The following NXN variants were observed in gnomAD, a reference collection of about 807,000 sequenced individuals.
NXN encodes the protein nucleoredoxin 1.
NXN carries 16 observed loss-of-function variants against 48.6 expected under a neutral mutation model. That is an observed-to-expected ratio of 0.33 (90% CI 0.22 to 0.50). The LOEUF is 0.50. Among genes scored for constraint, NXN ranks in the 20% least tolerant of loss-of-function variants. NXN has a pLI of 0.98. For synonymous variants in NXN, 281 were observed against 269.6 expected (o/e 1.04, Z -0.41); for missense variants, 492 against 605.5 (o/e 0.81, Z 1.97).
intron 1 of NXN, among the ~76,000 whole-genome samples, chr17:976,670 C>G (rs189354625): frequency 6.6e-6 from 1 of 152,088 alleles, no homozygotes; most frequent in Non-Finnish European, 1.5e-5. Flanking sequence ...CATTAGCTCA[C>G]GGGCTTCTAA....
intron 1 of NXN, among the ~76,000 whole-genome samples, chr17:951,722 TG>T (rs2069112961): frequency 6.7e-6 from 1 of 148,848 alleles, no homozygotes; most frequent in South Asian, 2.2e-4. Context: ...GGGCTGGGGG[TG>T]GGGGCCGGCA....
intron 1 of NXN, among the ~76,000 whole-genome samples, chr17:924,138 G>A (rs1030062391): frequency 6.6e-6 from 1 of 152,000 alleles, no homozygotes; most frequent in Non-Finnish European, 1.5e-5. Flanking sequence ...CACGATTCTG[G>A]GCTCAAGGGT....
chr17:847,150 G>T (rs1333327565), intron 1 of NXN, among the ~76,000 whole-genome samples: 2 of 152,084 alleles, frequency 1.3e-5, no homozygotes, highest in African/African-American at 4.8e-5. Context: ...GTCCGTACCT[G>T]TCCCCCCGCG....
chr17:834,552 T>C lies in NXN; in HGVS notation c.361-8474A>G, dbSNP rs373128849. ...GCCTCAGCCTCCTGAGTAGCTGGAA[T>C]TACAGGCACCAACCACCATGCCTGG... On this transcript the variant is annotated intron_variant, in intron 1 of 7. Transcript: ENST00000336868. Among the ~76,000 whole-genome samples, 39 of 152,220 alleles carry C rather than the reference T, an allele frequency of 2.6e-4. No homozygotes were observed. In the East Asian group the frequency reaches 6.4e-3, roughly 25 times the overall value.
At chr17:802,409 G>A (rs566698448) in intron 7 of NXN, among the ~76,000 whole-genome samples, 83 of 152,342 alleles carry the variant, frequency 5.4e-4, no homozygotes, top group Non-Finnish European at 1.0e-3. Context: ...AAACAGGACA[G>A]CGACTACGTT....
intron 1 of NXN, among the ~76,000 whole-genome samples, chr17:829,085 T>G (rs1005948304): frequency 6.6e-6 from 1 of 151,522 alleles, no homozygotes; most frequent in Admixed American, 6.6e-5. Flanking sequence ...TCACTGTCAT[T>G]CATTTTTCCA....
intron 1 of NXN, among the ~76,000 whole-genome samples, chr17:923,474 C>T (rs1165260001): frequency 1.3e-5 from 2 of 152,142 alleles, no homozygotes; most frequent in Non-Finnish European, 2.9e-5. Context: ...GCTGTGATCA[C>T]ACCACTGCAC....
At position 899,433 on chromosome 17, in the gene NXN, C is replaced by T. The variant is rs548861035; in HGVS notation, c.361-73355G>A. The stretch of plus-strand genomic sequence containing the variant: ...GCCCGCTCTCCTGAGCTCATATTCT[C>T]GTGAGGGAGGACGATCAATAAACAA... On this transcript the variant is annotated intron_variant, in intron 1 of 7. Transcript: ENST00000336868. 4.6e-5 allele frequency among the ~76,000 whole-genome samples: 7 copies of T among 152,222 alleles called. No individual in the cohort carries two copies. The South Asian group carries it at 6.2e-4, about 14-fold the overall frequency.
chr17:900,867 G>T lies in NXN; in HGVS notation c.361-74789C>A, dbSNP rs150200677. 5.5e-4 allele frequency among the ~76,000 whole-genome samples: 81 copies of T among 148,452 alleles called. 1 individual carries two copies. Among genetic ancestry groups the T allele is most frequent in the African/African-American group, 1.9e-3 (79 of 40,600 alleles). On this transcript the variant is annotated intron_variant, in intron 1 of 7. Coordinates refer to ENST00000336868, the MANE Select transcript of NXN (RefSeq NM_022463.5). ...GAAGCATCTTCTGGGAGGCAGGGGA[G>T]TTTTGAGAGAAAAGTGTGGACTTTA...
At chr17:947,251 C>T (rs946045597) in intron 1 of NXN, among the ~76,000 whole-genome samples, 3 of 152,082 alleles carry the variant, frequency 2.0e-5, no homozygotes, top group Non-Finnish European at 2.9e-5. Flanking sequence ...ACAAGCGTGA[C>T]GGGGACGCGC....
chr17:889,747 GAAAGAAAGAAAGAAAAAGAAAGAAAGA>G (rs2068393488), intron 1 of NXN, among the ~76,000 whole-genome samples: 3 of 79,658 alleles, frequency 3.8e-5, no homozygotes, highest in Non-Finnish European at 8.1e-5. Context: ...AAGAAAGAAA[GAAAGAAAGAAAGAAAAAGAAAGAAAGA>G]AAAGAGAGAG....
intron 1 of NXN, among the ~76,000 whole-genome samples, chr17:927,494 A>C (rs1049105620): frequency 6.9e-6 from 1 of 144,420 alleles, no homozygotes; most frequent in African/African-American, 2.6e-5. Flanking sequence ...GGTCCCAGCT[A>C]CTTAGGAGGT....
chr17:947,883 C>T (rs914750714), intron 1 of NXN, among the ~76,000 whole-genome samples: 1 of 119,230 alleles, frequency 8.4e-6, no homozygotes, highest in South Asian at 2.8e-4. Context: ...TACTGAAATA[C>T]AAAAAAAAAA....
At chr17:974,447 G>A (rs1419469246) in intron 1 of NXN, among the ~76,000 whole-genome samples, 1 of 152,066 alleles carries the variant, frequency 6.6e-6, no homozygotes, top group Non-Finnish European at 1.5e-5. Flanking sequence ...CTCAAGCTAT[G>A]AAATGAATGA....
Position 829,140 on chromosome 17 carries a change from C to CTT in NXN, c.361-3064_361-3063dup, listed in dbSNP as rs762247640. Among the ~76,000 whole-genome samples, 8 of 128,974 alleles carry CTT rather than the reference C, an allele frequency of 6.2e-5. No homozygotes were observed. The East Asian group carries it at 1.1e-3, about 18-fold the overall frequency. The allele number at this position is 128,974 out of a possible 152,430, so 84.6% of individuals were successfully genotyped here. ...TGACAAGTCATTTTTGTTGCTTATC[C>CTT]TTTTTTTTTTTTTTAGGGGGGCGGG... On this transcript the variant is annotated intron_variant, in intron 1 of 7. Coordinates refer to ENST00000336868, the MANE Select transcript of NXN (RefSeq NM_022463.5).
rs898174778 is a variant in NXN, at chr17:917,194, T to G, written c.360+62125A>C. On this transcript the variant is annotated intron_variant, in intron 1 of 7. Transcript: ENST00000336868. The surrounding 1 kb of genome is among the most constrained non-coding windows in gnomAD (Gnocchi z 4.5). Reference sequence around the variant, plus strand: ...TTTTTTTCTGTAGCCCAGGCTGGAGTGCAATGGCGCGACCTCGGCTCGCCG... The same window carrying G: ...TTTTTTTCTGTAGCCCAGGCTGGAGGGCAATGGCGCGACCTCGGCTCGCCG... Among the ~76,000 whole-genome samples the G allele has an allele frequency of 1.3e-5, 2 of 149,390 alleles. No homozygotes were observed. Among genetic ancestry groups the G allele is most frequent in the African/African-American group, 2.5e-5 (1 of 40,266 alleles).
chr17:950,310 G>A (rs1304912723), intron 1 of NXN, among the ~76,000 whole-genome samples: 2 of 152,188 alleles, frequency 1.3e-5, no homozygotes, highest in Non-Finnish European at 2.9e-5. Context: ...TTCGGTGGGG[G>A]AAGGGAGTGG....
rs1204306053 is a variant in NXN at position 799,341 on chromosome 17, T to A, written c.*1608A>T. On this transcript the variant is annotated 3_prime_UTR_variant, in exon 8 of 8. Transcript: ENST00000336868. ...GATCAAGGACAGCAGAGGCCCAGGG[T>A]GGATGAGGTCCAGAGATGCCTGCTT... is the stretch of plus-strand genomic sequence containing the variant. The A allele has an allele frequency of 6.6e-6, 1 of 152,222 alleles. No individual in the cohort carries two copies. Among genetic ancestry groups the A allele is most frequent in the Non-Finnish European group, 1.5e-5 (1 of 68,108 alleles). 9.4% of individuals were successfully genotyped at this position (152,222 alleles called of 1,614,324 possible).
chr17:834,767 C>T (rs927519581), intron 1 of NXN, among the ~76,000 whole-genome samples: 2 of 151,770 alleles, frequency 1.3e-5, no homozygotes, highest in African/African-American at 2.4e-5. Flanking sequence ...GTGATCTGCC[C>T]GCCTTGGCCT....
Sources: gnomAD v4.1 joint callset for allele counts (sites outside exome capture counted in the v4.1 genomes callset) on GRCh38, gnomAD v4.1.1 for gene constraint, Gnocchi (gnomAD v3.1) non-coding constraint, MANE v1.5 for transcripts, NCBI Gene and HGNC (gene_info 2026-07-23, HGNC 2026-07-21) for gene names.